DCK: variants seen among roughly 807,000 people sequenced by gnomAD.
DCK encodes the protein deoxycytidine kinase.
DCK carries 23 observed loss-of-function variants against 38.3 expected under a neutral mutation model. The ratio of observed to expected loss-of-function variants is 0.60; its 90% CI spans 0.43 to 0.85. DCK has a LOEUF of 0.85. Among genes scored for constraint, DCK ranks in the 40% least tolerant of loss-of-function variants. The probability of loss-of-function intolerance (pLI) is 0.00; values close to 1 mark genes in which losing one functional copy is unlikely to be tolerated. For synonymous variants in DCK, 108 were observed against 100.6 expected (o/e 1.07, Z -0.44); for missense variants, 259 against 304.4 (o/e 0.85, Z 1.11).
chr4:71,027,846 A>T (rs1740579797), intron 6 of DCK, among the ~76,000 whole-genome samples: 1 of 152,214 alleles, frequency 6.6e-6, no homozygotes, highest in African/African-American at 2.4e-5. Flanking sequence ...GCCAACCATC[A>T]ATTTAACTGA....
At chr4:71,012,061 G>A (rs575469684) in intron 2 of DCK, among the ~76,000 whole-genome samples, 2 of 152,248 alleles carry the variant, frequency 1.3e-5, no homozygotes, top group Admixed American at 1.3e-4. Flanking sequence ...CAAAAGAGGG[G>A]ACTAAAACTT....
intron 2 of DCK, among the ~76,000 whole-genome samples, chr4:71,004,273 G>A (rs562260689): frequency 1.3e-5 from 2 of 152,190 alleles, no homozygotes; most frequent in African/African-American, 2.4e-5. Context: ...GTTTGCCTGG[G>A]TATCACCAGC....
chr4:71,026,811 G>A, intron 6 of DCK, 56 bp downstream of exon 6: 1 of 839,818 alleles, frequency 1.2e-6, no homozygotes, highest in Non-Finnish European at 1.9e-6. Context: ...AGTGTACTGA[G>A]TGGTGAGAAA....
intron 2 of DCK, among the ~76,000 whole-genome samples, chr4:71,015,705 C>A (rs148804563): frequency 0.034 from 5,138 of 152,226 alleles, 312 homozygotes; most frequent in African/African-American, 0.12. Context: ...TCAATAGATG[C>A]AGAAAAGGCC....
rs113495021 is a variant in DCK, at chr4:71,015,982, G to A, written c.208-6385G>A. 9.5e-3 allele frequency among the ~76,000 whole-genome samples: 1,442 copies of A among 152,268 alleles called. 32 individuals carry two copies. Among genetic ancestry groups the A allele is most frequent in the African/African-American group, 0.033 (1,385 of 41,534 alleles). ...AAAGGGTATTCAATTAGGAAAAGAG[G>A]AAGTCAAATTGTCCCTGTTTGCAGA... On this transcript the variant is annotated intron_variant, in intron 2 of 6. Coordinates refer to ENST00000286648, the MANE Select transcript of DCK (RefSeq NM_000788.3).
chr4:71,019,976 CAG>C (rs1027604607), intron 2 of DCK, among the ~76,000 whole-genome samples: 6 of 152,122 alleles, frequency 3.9e-5, no homozygotes, highest in Non-Finnish European at 8.8e-5. Context: ...TTGGTAGAGA[CAG>C]GGTTTCACCA....
chr4:70,999,449 CTT>C (rs1739733379), intron 2 of DCK, among the ~76,000 whole-genome samples: 1 of 152,188 alleles, frequency 6.6e-6, no homozygotes, highest in Non-Finnish European at 1.5e-5. Context: ...GGTTCCAAGT[CTT>C]TGCTATTGTG....
At position 71,012,654 on chromosome 4, in the gene DCK, AG is replaced by A. The variant is rs1450679991; in HGVS notation, c.208-9710del. On this transcript the variant is annotated intron_variant, in intron 2 of 6. Coordinates refer to ENST00000286648, the MANE Select transcript of DCK (RefSeq NM_000788.3). Reference sequence around the variant, plus strand: ...CTCCGCTGCTGATACCCAGGCAAACAGGGTCTGGAGTGGACCTCCAGCAAAC... The same window carrying A: ...CTCCGCTGCTGATACCCAGGCAAACAGGTCTGGAGTGGACCTCCAGCAAAC... 1.4e-3 allele frequency among the ~76,000 whole-genome samples: 213 copies of A among 152,346 alleles called. 1 individual carries two copies. Among genetic ancestry groups the A allele is most frequent in the African/African-American group, 4.8e-3 (198 of 41,578 alleles).
intron 2 of DCK, among the ~76,000 whole-genome samples, chr4:71,014,868 A>G (rs916224322): frequency 6.6e-6 from 1 of 152,240 alleles, no homozygotes; most frequent in Non-Finnish European, 1.5e-5. Flanking sequence ...GAACTAGAGA[A>G]GCAAGAGTAA....
intron 2 of DCK, among the ~76,000 whole-genome samples, chr4:71,020,095 G>A (rs980357282): frequency 6.6e-6 from 1 of 152,148 alleles, no homozygotes; most frequent in Non-Finnish European, 1.5e-5. Flanking sequence ...CCCTTGATAT[G>A]CCTTTTAAAT....
At chr4:71,023,142 AC>A (rs1246104828) in intron 3 of DCK, among the ~76,000 whole-genome samples, 1 of 152,260 alleles carries the variant, frequency 6.6e-6, no homozygotes, top group Non-Finnish European at 1.5e-5. Context: ...TAATATAAAT[AC>A]ATTTGACAAA....
At chr4:71,001,479 G>T (rs960685569) in intron 2 of DCK, among the ~76,000 whole-genome samples, 4 of 152,126 alleles carry the variant, frequency 2.6e-5, no homozygotes, top group African/African-American at 4.8e-5. Flanking sequence ...CCAGGTTTTT[G>T]TATTAGGGTG....
At chr4:71,014,561 A>C (rs1366706680) in intron 2 of DCK, among the ~76,000 whole-genome samples, 8 of 147,368 alleles carry the variant, frequency 5.4e-5, no homozygotes, top group South Asian at 2.3e-4. Flanking sequence ...GAAATTATAA[A>C]AAACTGTCTC....
Position 71,015,879 on chromosome 4 carries a change from C to T in DCK, c.208-6488C>T, listed in dbSNP as rs184648262. Among the ~76,000 whole-genome samples, 1,103 of 152,196 alleles carry T rather than the reference C, an allele frequency of 7.2e-3. 11 individuals are homozygous for T. The highest frequency in any genetic ancestry group is 0.025 in the African/African-American group (1,034 of 41,518). On this transcript the variant is annotated intron_variant, in intron 2 of 6. Transcript: ENST00000286648. ...TCCCTTTGAAAACTGGCACAAGACA[C>T]GGATGCCCTCTCTCACCACTCCTAT...
chr4:71,003,686 G>A (rs992182780), intron 2 of DCK, among the ~76,000 whole-genome samples: 15 of 151,994 alleles, frequency 9.9e-5, no homozygotes, highest in Non-Finnish European at 8.8e-5. Context: ...TTATCTTCAC[G>A]CTTTATTTTT....
rs765251147 is a variant in DCK, at chr4:71,029,404, A to G, written c.*26A>G. 13 of 1,585,794 alleles carry G rather than the reference A, an allele frequency of 8.2e-6. No homozygotes were observed. The highest frequency in any genetic ancestry group is 5.5e-5 in the South Asian group (5 of 90,156). ...TCTTGCTGAAGACTACAGGCAGCCAAATGGTTCCAGATACTTCAGCTTTGT... is the reference window on the plus strand; with the variant it reads ...TCTTGCTGAAGACTACAGGCAGCCAGATGGTTCCAGATACTTCAGCTTTGT... On this transcript the variant is annotated 3_prime_UTR_variant, in exon 7 of 7. Coordinates refer to ENST00000286648, the MANE Select transcript of DCK (RefSeq NM_000788.3).
chr4:70,995,736 T>G (rs68121034), intron 1 of DCK, among the ~76,000 whole-genome samples: 1 of 152,206 alleles, frequency 6.6e-6, no homozygotes, highest in Non-Finnish European at 1.5e-5. Flanking sequence ...CTGAAATAAT[T>G]TCCTAATATA....
At chr4:71,016,418 A>T (rs1740262496) in intron 2 of DCK, among the ~76,000 whole-genome samples, 1 of 152,192 alleles carries the variant, frequency 6.6e-6, no homozygotes, top group South Asian at 2.1e-4. Flanking sequence ...TTCTTCACAG[A>T]ATTGGAAAAA....
At chr4:71,012,740 G>C (rs1385241960) in intron 2 of DCK, among the ~76,000 whole-genome samples, 1 of 151,880 alleles carries the variant, frequency 6.6e-6, no homozygotes, top group Non-Finnish European at 1.5e-5. Flanking sequence ...AAACAGAAAG[G>C]ACATCCACAC....
Sources: allele counts gnomAD v4.1 joint callset (sites outside exome capture counted in the v4.1 genomes callset), GRCh38; gene constraint gnomAD v4.1.1; transcripts MANE v1.5; gene names NCBI Gene and HGNC (gene_info 2026-07-23, HGNC 2026-07-21).